The following EYS variants were observed in gnomAD, a reference collection of about 807,000 sequenced individuals.
EYS encodes protein eyes shut homolog.
A neutral mutation model predicts 282.1 loss-of-function variants in EYS; 250 were observed. That is an observed-to-expected ratio of 0.89 (90% CI 0.80 to 0.98). The LOEUF is 0.98. Ranked by LOEUF, EYS falls within the 50% of genes least tolerant of loss-of-function variation. The probability of loss-of-function intolerance (pLI) is 0.00; values close to 1 mark genes in which losing one functional copy is unlikely to be tolerated. For synonymous variants in EYS, 1,355 were observed against 1,282.9 expected (o/e 1.06, Z -1.20); for missense variants, 4,016 against 3,709.0 (o/e 1.08, Z -2.15).
chr6:64,080,920 C>T (rs1771943556), intron 32 of EYS, among the ~76,000 whole-genome samples: 1 of 151,966 alleles, frequency 6.6e-6, no homozygotes, highest in South Asian at 2.1e-4. Flanking sequence ...GTCTATATCT[C>T]TGTTTTGGTA....
chr6:65,613,626 G>A (rs2149796396), intron 2 of EYS, among the ~76,000 whole-genome samples: 2 of 151,972 alleles, frequency 1.3e-5, no homozygotes, highest in Middle Eastern at 3.4e-3. Flanking sequence ...GGGTTTACAT[G>A]ATTTAGGGTA....
chr6:64,490,742 A>G (rs527959137), intron 26 of EYS, among the ~76,000 whole-genome samples: 29 of 151,030 alleles, frequency 1.9e-4, no homozygotes, highest in African/African-American at 6.5e-4. Context: ...AATTTTTTTC[A>G]GTATATTAAT....
intron 26 of EYS, among the ~76,000 whole-genome samples, chr6:64,579,178 G>A (rs1388093310): frequency 6.6e-6 from 1 of 152,040 alleles, no homozygotes; most frequent in Non-Finnish European, 1.5e-5. Context: ...AATCAATTCT[G>A]CCCTGGCCTT....
intron 31 of EYS, among the ~76,000 whole-genome samples, chr6:64,145,099 C>G (rs1373724005): frequency 3.3e-5 from 5 of 152,106 alleles, no homozygotes; most frequent in Non-Finnish European, 7.4e-5. Flanking sequence ...AATTTGACAG[C>G]TTCTATTGAA....
At chr6:64,046,337 C>A (rs948844287) in intron 33 of EYS, among the ~76,000 whole-genome samples, 3 of 151,868 alleles carry the variant, frequency 2.0e-5, no homozygotes, top group African/African-American at 7.3e-5. Flanking sequence ...TGTCTCCTGT[C>A]CGTATCTATC....
At chr6:65,571,379 T>C (rs1245979031) in intron 2 of EYS, among the ~76,000 whole-genome samples, 1 of 152,036 alleles carries the variant, frequency 6.6e-6, no homozygotes, top group Non-Finnish European at 1.5e-5. Flanking sequence ...GCCTTCTCCA[T>C]AGATAAAATT....
chr6:64,081,178 C>T (rs1161573185), intron 32 of EYS, among the ~76,000 whole-genome samples: 2 of 152,122 alleles, frequency 1.3e-5, no homozygotes. Flanking sequence ...AGACATTACA[C>T]CTCCAATATG....
At chr6:65,329,109 T>C (rs369745036) in intron 11 of EYS, among the ~76,000 whole-genome samples, 1 of 151,330 alleles carries the variant, frequency 6.6e-6, no homozygotes, top group Non-Finnish European at 1.5e-5. Flanking sequence ...CAAGTCATTT[T>C]ATTGTTTGAG....
At chr6:64,711,421 A>G (rs1583068668) in intron 22 of EYS, among the ~76,000 whole-genome samples, 1 of 152,284 alleles carries the variant, frequency 6.6e-6, no homozygotes, top group African/African-American at 2.4e-5. Context: ...TAATAAGAGG[A>G]AAAAAACACT....
At chr6:64,300,213 T>G (rs1468443389) in intron 30 of EYS, among the ~76,000 whole-genome samples, 1 of 152,058 alleles carries the variant, frequency 6.6e-6, no homozygotes, top group Non-Finnish European at 1.5e-5. Flanking sequence ...GCCAAGTTTG[T>G]GATGGGTGGA....
At chr6:65,203,889 A>C (rs551382631) in intron 12 of EYS, among the ~76,000 whole-genome samples, 5 of 150,728 alleles carry the variant, frequency 3.3e-5, no homozygotes, top group Non-Finnish European at 7.4e-5. Flanking sequence ...AAATAACTGG[A>C]AATAAAAAAA....
intron 15 of EYS, among the ~76,000 whole-genome samples, chr6:64,925,393 C>G (rs1226056343): frequency 6.6e-6 from 1 of 151,734 alleles, no homozygotes; most frequent in Non-Finnish European, 1.5e-5. Context: ...GGAATAGACT[C>G]TGTATGATTT....
intron 11 of EYS, among the ~76,000 whole-genome samples, chr6:65,305,232 G>A (rs1398637189): frequency 1.3e-5 from 2 of 152,096 alleles, no homozygotes; most frequent in East Asian, 1.9e-4. Context: ...AGACTGAGAG[G>A]GAGATCAAGT....
chr6:63,932,709 C>T lies in EYS; in HGVS notation c.7055+51674G>A, dbSNP rs145713864. Among the ~76,000 whole-genome samples, 181 of 152,356 alleles carry T rather than the reference C, an allele frequency of 1.2e-3. 1 individual carries two copies. The highest frequency in any genetic ancestry group is 0.011 in the Admixed American group (165 of 15,304). ...ATCCCTCACACTCCACCCAACAGAA[C>T]ACTTCTGATACCAGATATGTAGGGG... On this transcript the variant is annotated intron_variant, in intron 35 of 42. Transcript: ENST00000503581.
intron 22 of EYS, among the ~76,000 whole-genome samples, chr6:64,768,809 G>C (rs575677598): frequency 6.6e-6 from 1 of 152,064 alleles, no homozygotes; most frequent in Non-Finnish European, 1.5e-5. Context: ...TCACAAAAAG[G>C]GCAGGCTGTT....
At chr6:65,592,135 T>C (rs1223081094) in intron 2 of EYS, among the ~76,000 whole-genome samples, 1 of 152,022 alleles carries the variant, frequency 6.6e-6, no homozygotes. Context: ...AACACATTTC[T>C]ATTCTATAGC....
At chr6:64,780,446 T>C (rs1365437929) in intron 22 of EYS, among the ~76,000 whole-genome samples, 2 of 152,134 alleles carry the variant, frequency 1.3e-5, no homozygotes, top group African/African-American at 2.4e-5. Flanking sequence ...TTCTCACTTA[T>C]AAGTGGGAGC....
intron 13 of EYS, among the ~76,000 whole-genome samples, chr6:65,057,340 C>T (rs1288243993): frequency 6.6e-6 from 1 of 152,042 alleles, no homozygotes; most frequent in Non-Finnish European, 1.5e-5. Flanking sequence ...GTAATATATT[C>T]CTTCCTTACT....
intron 30 of EYS, among the ~76,000 whole-genome samples, chr6:64,263,800 A>G (rs1767665641): frequency 6.6e-6 from 1 of 152,202 alleles, no homozygotes; most frequent in East Asian, 1.9e-4. Flanking sequence ...AAAGTTATCG[A>G]CCCAAAAATT....
Sources: allele counts gnomAD v4.1 joint callset (sites outside exome capture counted in the v4.1 genomes callset), GRCh38; gene constraint gnomAD v4.1.1; transcripts MANE v1.5; gene names NCBI Gene and HGNC (gene_info 2026-07-23, HGNC 2026-07-21).